PRKN: variants seen among roughly 807,000 people sequenced by gnomAD.
PRKN encodes the protein E3 ubiquitin-protein ligase parkin.
Under a neutral mutation model 59.5 loss-of-function variants are expected in PRKN, and 56 were observed. That is an observed-to-expected ratio of 0.94 (90% confidence interval 0.76 to 1.18). PRKN has a LOEUF of 1.18. PRKN is among the 50% of genes most tolerant of loss of function. The probability of loss-of-function intolerance (pLI) is 0.00; values close to 1 mark genes in which losing one functional copy is unlikely to be tolerated. For synonymous variants in PRKN, 250 were observed against 222.1 expected (o/e 1.13, Z -1.12); for missense variants, 657 against 596.4 (o/e 1.10, Z -1.06).
chr6:162,077,041 G>C (rs1778858144), intron 4 of PRKN, among the ~76,000 whole-genome samples: 1 of 152,100 alleles, frequency 6.6e-6, no homozygotes, highest in African/African-American at 2.4e-5. Context: ...TCAGAGGGAA[G>C]AGAGTGGGCA....
intron 7 of PRKN, among the ~76,000 whole-genome samples, chr6:161,640,532 T>C (rs1783701471): frequency 6.6e-6 from 1 of 152,038 alleles, no homozygotes; most frequent in African/African-American, 2.4e-5. Flanking sequence ...GAATACAAAA[T>C]ATTGGCCTAC....
intron 7 of PRKN, among the ~76,000 whole-genome samples, chr6:161,679,033 CAT>C (rs1785200015): frequency 1.3e-5 from 2 of 152,138 alleles, no homozygotes; most frequent in South Asian, 2.1e-4. Flanking sequence ...TGCAGGTGCA[CAT>C]GTCTCTAAAC....
intron 6 of PRKN, among the ~76,000 whole-genome samples, chr6:161,957,409 G>GTTGTTTTTTTTTTT (rs1562418017): frequency 1.6e-5 from 2 of 127,394 alleles, no homozygotes; most frequent in Non-Finnish European, 1.7e-5. Flanking sequence ...TGTTCTTGTT[G>GTTGTTTTTTTTTTT]TTTTTTTTTT....
chr6:162,581,509 C>A (rs1780789627), intron 1 of PRKN, among the ~76,000 whole-genome samples: 1 of 152,184 alleles, frequency 6.6e-6, no homozygotes, highest in Non-Finnish European at 1.5e-5. Flanking sequence ...GCCTGTAATC[C>A]CGGCACTTTG....
rs543914169 is a variant in PRKN, at chr6:162,161,034, T to C, written c.534+40097A>G. On this transcript the variant is annotated intron_variant, in intron 4 of 11. Coordinates refer to ENST00000366898, the MANE Select transcript of PRKN (RefSeq NM_004562.3). ...TCCTGTCTATAGGCAAGGATGGCTC[T>C]GGACCACCACCACCCCCTGCATTCT... is the stretch of plus-strand genomic sequence containing the variant. Among the ~76,000 whole-genome samples, 16 of 152,302 alleles carry C rather than the reference T, an allele frequency of 1.1e-4. No individual in the cohort carries two copies. The South Asian group carries it at 2.5e-3, about 24-fold the overall frequency.
intron 7 of PRKN, among the ~76,000 whole-genome samples, chr6:161,633,171 C>T (rs150629555): frequency 0.012 from 1,900 of 152,202 alleles, 35 homozygotes; most frequent in African/African-American, 0.044. Context: ...TATTTGTGTG[C>T]ATGTCTGACT....
intron 3 of PRKN, among the ~76,000 whole-genome samples, chr6:162,226,086 A>G (rs1399150313): frequency 8.4e-6 from 1 of 118,958 alleles, no homozygotes; most frequent in Non-Finnish European, 1.7e-5. Context: ...TAATAATAAT[A>G]ATAATAATAA....
chr6:161,433,413 T>C (rs1377601287), intron 9 of PRKN, among the ~76,000 whole-genome samples: 1 of 152,174 alleles, frequency 6.6e-6, no homozygotes, highest in Non-Finnish European at 1.5e-5. Flanking sequence ...TTTTAATAAC[T>C]CAAGTAGGAA....
At chr6:162,224,933 C>T (rs933297693) in intron 3 of PRKN, among the ~76,000 whole-genome samples, 5 of 152,100 alleles carry the variant, frequency 3.3e-5, no homozygotes, top group Admixed American at 1.3e-4. Flanking sequence ...TAGTGGTACC[C>T]GAAACTCCTG....
chr6:162,474,499 A>G (rs1791908107), intron 1 of PRKN, among the ~76,000 whole-genome samples: 1 of 152,192 alleles, frequency 6.6e-6, no homozygotes, highest in African/African-American at 2.4e-5. Flanking sequence ...GTATAAATTT[A>G]TGGTTTCCCA....
Position 162,174,273 on chromosome 6 carries a change from G to A in PRKN, c.534+26858C>T, listed in dbSNP as rs189359573. Among the ~76,000 whole-genome samples, 312 of 152,206 alleles carry A rather than the reference G, an allele frequency of 2.0e-3. 3 individuals are homozygous for A. The highest frequency in any genetic ancestry group is 7.0e-3 in the African/African-American group (289 of 41,536). On this transcript the variant is annotated intron_variant, in intron 4 of 11. Coordinates refer to ENST00000366898, the MANE Select transcript of PRKN (RefSeq NM_004562.3). ...AATTTGTATCTTTATATTTGCTGATGTGAGGCTGCTCTACACTTTGTTCCC... is the reference window on the plus strand; with the variant it reads ...AATTTGTATCTTTATATTTGCTGATATGAGGCTGCTCTACACTTTGTTCCC...
intron 9 of PRKN, among the ~76,000 whole-genome samples, chr6:161,450,806 TG>T (rs1167053702): frequency 6.6e-6 from 1 of 152,260 alleles, no homozygotes; most frequent in Non-Finnish European, 1.5e-5. Flanking sequence ...CTGCCCACCC[TG>T]GCCTCCCAAA....
chr6:161,513,706 G>C (rs1562497269), intron 9 of PRKN, among the ~76,000 whole-genome samples: 1 of 152,076 alleles, frequency 6.6e-6, no homozygotes, highest in Non-Finnish European at 1.5e-5. Flanking sequence ...CCTTGCTGCT[G>C]CTGTTGTTTT....
At position 161,386,068 on chromosome 6, in the gene PRKN, A is replaced by G. The variant is rs1786224680; in HGVS notation, c.1167+726T>C. Among the ~76,000 whole-genome samples the G allele has an allele frequency of 6.6e-6, 1 of 152,220 alleles. No homozygotes were observed. Among genetic ancestry groups the G allele is most frequent in the African/African-American group, 2.4e-5 (1 of 41,460 alleles). On this transcript the variant is annotated intron_variant, in intron 10 of 11. Coordinates refer to ENST00000366898, the MANE Select transcript of PRKN (RefSeq NM_004562.3). The surrounding 1 kb of genome is among the most constrained non-coding windows in gnomAD (Gnocchi z 4.3). ...TCTGGGATTTCTATGTCTGTTTACTAGGTTCCTATCAGTACAATGACTAAA... is the reference window on the plus strand; with the variant it reads ...TCTGGGATTTCTATGTCTGTTTACTGGGTTCCTATCAGTACAATGACTAAA...
chr6:162,480,606 C>T (rs1032107312), intron 1 of PRKN, among the ~76,000 whole-genome samples: 8 of 152,098 alleles, frequency 5.3e-5, no homozygotes, highest in South Asian at 4.2e-4. Context: ...CAGAGACCAG[C>T]GGACGGGGAC....
intron 6 of PRKN, among the ~76,000 whole-genome samples, chr6:161,833,218 G>A (rs969771526): frequency 4.0e-5 from 6 of 151,692 alleles, no homozygotes; most frequent in African/African-American, 1.5e-4. Context: ...AGCCAGGGCA[G>A]CCTAAGAAGC....
At chr6:162,020,348 A>ATT (rs1783095565) in intron 5 of PRKN, among the ~76,000 whole-genome samples, 1 of 151,276 alleles carries the variant, frequency 6.6e-6, no homozygotes, top group African/African-American at 2.4e-5. Flanking sequence ...AAAAAAAAAA[A>ATT]AAAAAAAAAA....
At chr6:161,648,967 T>A (rs953830383) in intron 7 of PRKN, among the ~76,000 whole-genome samples, 2 of 152,234 alleles carry the variant, frequency 1.3e-5, no homozygotes, top group African/African-American at 4.8e-5. Flanking sequence ...CTTAGTCACA[T>A]ATATGACTTT....
chr6:161,895,359 C>G (rs1197282898), intron 6 of PRKN, among the ~76,000 whole-genome samples: 1 of 152,178 alleles, frequency 6.6e-6, no homozygotes, highest in Non-Finnish European at 1.5e-5. Flanking sequence ...AGAACTAGAG[C>G]CTGCTAACCG....
Sources: gnomAD v4.1 joint callset for allele counts (sites outside exome capture counted in the v4.1 genomes callset) on GRCh38, gnomAD v4.1.1 for gene constraint, Gnocchi (gnomAD v3.1) non-coding constraint, MANE v1.5 for transcripts, NCBI Gene and HGNC (gene_info 2026-07-23, HGNC 2026-07-21) for gene names.